Variants in UBA1 observed in about 807,000 individuals in gnomAD.
UBA1 encodes ubiquitin like modifier activating enzyme 1.
In UBA1, 4 loss-of-function variants were observed where a neutral mutation model predicts 84.7. The ratio of observed to expected loss-of-function variants is 0.05; its 90% CI spans 0.02 to 0.11. UBA1 has a LOEUF of 0.11. UBA1 is among the 10% of genes least tolerant of loss of function. UBA1 has a pLI of 1.00. For missense variants in UBA1, 513 were observed against 902.8 expected (o/e 0.57, Z 5.53); for synonymous variants, 364 against 362.6 (o/e 1.00, Z -0.04).
At chrX:47,191,446 G>C (rs919939886), upstream of UBA1, 3 of 111,240 alleles carry the variant, frequency 2.7e-5, no homozygotes, top group African/African-American at 3.3e-5. Flanking sequence ...TGGACACGTC[G>C]GGGGCCCAGA....
intron 16 of UBA1, among the ~76,000 whole-genome samples, chrX:47,207,319 A>G (rs1936717529): frequency 8.9e-6 from 1 of 111,855 alleles, no homozygotes; most frequent in African/African-American, 3.3e-5. Flanking sequence ...CCTGGGCCAC[A>G]TTGGAAGAAG....
chrX:47,203,777 C>T (rs1376087901), intron 14 of UBA1, 81 bp downstream of exon 14: 30 of 993,123 alleles, frequency 3.0e-5, no homozygotes, highest in African/African-American at 5.0e-5. Context: ...GACGGAGTTT[C>T]GCTCTTGTTG....
At chrX:47,205,690 C>T (rs1693896493) in intron 14 of UBA1, 10 of 411,951 alleles carry the variant, frequency 2.4e-5, no homozygotes, top group Non-Finnish European at 3.5e-5. Flanking sequence ...CCTGTCTCTA[C>T]CAAAAATACA....
chrX:47,200,032 G>A (rs1336702689), intron 5 of UBA1, among the ~76,000 whole-genome samples: 7 of 110,513 alleles, frequency 6.3e-5, no homozygotes, highest in Non-Finnish European at 1.1e-4. Flanking sequence ...TGATCCGCCC[G>A]CCTCCGCCTC....
intron 16 of UBA1, 62 bp downstream of exon 16, chrX:47,206,506 C>T (rs1936681322): frequency 8.9e-7 from 1 of 1,125,717 alleles, no homozygotes; most frequent in Non-Finnish European, 1.2e-6. Context: ...GCCTCTCCGC[C>T]CCCAGGCCCT....
intron 1 of UBA1, chrX:47,197,596 C>T: frequency 5.3e-6 from 4 of 754,024 alleles, no homozygotes; most frequent in Non-Finnish European, 6.3e-6. Context: ...CAGTCACCCC[C>T]ACCACCAGAT....
chrX:47,197,430 C>A, intron 1 of UBA1: 7 of 754,675 alleles, frequency 9.3e-6, no homozygotes, highest in Non-Finnish European at 1.1e-5. Context: ...GTGCTAGTGA[C>A]AAGTGCCAAG....
At chrX:47,200,770 GAA>G (rs1751285910) in intron 5 of UBA1, 122 bp from the exon 6 acceptor site, 2 of 534,396 alleles carry the variant, frequency 3.7e-6, no homozygotes, top group African/African-American at 2.3e-5. Context: ...ATGTGTTTGT[GAA>G]AGAGGCTGAC....
chrX:47,193,361 T>C (rs782487875), upstream of UBA1, among the ~76,000 whole-genome samples: 4 of 111,431 alleles, frequency 3.6e-5, no homozygotes, highest in East Asian at 8.5e-4. Context: ...GCCCCTTTTA[T>C]TCCAACCCAC....
Position 47,199,621 on chromosome X carries a change from TGGG to T in UBA1, c.480+10_480+12del. ...CTTCCTTAGTGGTTTCCAGGTATCT[TGGG>T]GGTACTACCCAGCCTTCTGCCCAGT... On this transcript the variant is annotated splice_region_variant and intron_variant, in intron 5 of 25. Transcript: ENST00000335972. The T allele has an allele frequency of 8.3e-7, 1 of 1,211,055 alleles. No homozygotes were observed. The highest frequency in any genetic ancestry group is 1.7e-5 in the African/African-American group (1 of 57,680).
intron 14 of UBA1, chrX:47,205,391 G>C (rs1556790387): frequency 2.9e-6 from 1 of 339,866 alleles, no homozygotes; most frequent in Non-Finnish European, 5.9e-6. Context: ...ACAGATGTCT[G>C]GCCCATTGTC....
In UBA1 at chrX:47,202,349, C is replaced by T; in HGVS notation, c.910-9C>T. ...CTTCTGGTTCTGATGACCTCTCCCC[C>T]CGCCACAGAAATCCTTGGTGGCCTC... On this transcript the variant is annotated splice_polypyrimidine_tract_variant and intron_variant, in intron 9 of 25. Transcript: ENST00000335972. 1 of 1,210,471 alleles carries T rather than the reference C, an allele frequency of 8.3e-7. No individual in the cohort carries two copies. Among genetic ancestry groups the T allele is most frequent in the Non-Finnish European group, 1.1e-6 (1 of 894,770 alleles).
intron 2 of UBA1, 52 bp downstream of exon 2, chrX:47,198,971 CTT>C (rs1556786514): frequency 8.3e-7 from 1 of 1,204,579 alleles, no homozygotes; most frequent in Non-Finnish European, 1.1e-6. Flanking sequence ...GTGGGAAAGT[CTT>C]TTGTATCACT....
intron 14 of UBA1, chrX:47,205,554 A>T: frequency 2.9e-6 from 1 of 350,428 alleles, no homozygotes; most frequent in Non-Finnish European, 5.7e-6. Flanking sequence ...AATCAGTCTC[A>T]GGCAGACAGC....
Position 47,198,401 on chromosome X carries a change from C to T in UBA1, c.1-402C>T, listed in dbSNP as rs145481493. 371 of 714,063 alleles carry T rather than the reference C, an allele frequency of 5.2e-4. No homozygotes were observed. In the African/African-American group the frequency reaches 7.3e-3, roughly 14 times the overall value. The allele number at this position is 714,063 out of a possible 1,213,427, so 58.8% of individuals were successfully genotyped here. ...TGTTTCACAGGTGAGAAAACTGAGGCCTGTGGCGGTTAATTATTACTGTTA... is the reference window on the plus strand; with the variant it reads ...TGTTTCACAGGTGAGAAAACTGAGGTCTGTGGCGGTTAATTATTACTGTTA... On this transcript the variant is annotated intron_variant, in intron 1 of 25. Transcript: ENST00000335972.
At chrX:47,191,299 G>T, upstream of UBA1, 1 of 113,864 alleles carries the variant, frequency 8.8e-6, no homozygotes, top group Non-Finnish European at 1.9e-5. Context: ...CGGGACTGGG[G>T]GAGGGCTTGT....
chrX:47,202,881 C>G (rs1569210480), intron 11 of UBA1, 62 bp from the exon 12 acceptor site: 5 of 1,199,457 alleles, frequency 4.2e-6, no homozygotes, highest in East Asian at 3.0e-5. Flanking sequence ...GTCACTTGCT[C>G]TCTGTCTGTG....
At chrX:47,206,580 C>T in intron 16 of UBA1, 136 bp downstream of exon 16, 1 of 619,703 alleles carries the variant, frequency 1.6e-6, no homozygotes, top group Non-Finnish European at 2.6e-6. Flanking sequence ...ACCTCCCTCC[C>T]TCACTTCCCA....
intron 16 of UBA1, among the ~76,000 whole-genome samples, chrX:47,208,308 C>A (rs782024337): frequency 9.9e-6 from 1 of 100,688 alleles, no homozygotes; most frequent in Non-Finnish European, 2.0e-5. Context: ...TCTGTGTGTA[C>A]GTGTAAGTGT....
Sources: allele counts gnomAD v4.1 joint callset (sites outside exome capture counted in the v4.1 genomes callset), GRCh38; gene constraint gnomAD v4.1.1; transcripts MANE v1.5; gene names NCBI Gene and HGNC (gene_info 2026-07-23, HGNC 2026-07-21).